Variants in PLCB4 observed in about 807,000 individuals in gnomAD.
PLCB4 encodes the protein 1-phosphatidylinositol 4,5-bisphosphate phosphodiesterase beta-4.
Under a neutral mutation model 178.8 loss-of-function variants are expected in PLCB4, and 77 were observed. That is an observed-to-expected ratio of 0.43 (90% CI 0.36 to 0.52). The LOEUF is 0.52. Ranked by LOEUF, PLCB4 falls within the 20% of genes least tolerant of loss-of-function variation. The probability of loss-of-function intolerance (pLI) is 0.00; values close to 1 mark genes in which losing one functional copy is unlikely to be tolerated. For synonymous variants in PLCB4, 496 were observed against 490.8 expected (o/e 1.01, Z -0.14); for missense variants, 1,024 against 1,453.4 (o/e 0.70, Z 4.80).
chr20:9,251,991 A>C (rs554535370), intron 3 of PLCB4, among the ~76,000 whole-genome samples: 1 of 152,278 alleles, frequency 6.6e-6, no homozygotes, highest in Admixed American at 6.5e-5. Flanking sequence ...TTAAGTCTGT[A>C]TTTTATGCCT....
chr20:9,144,728 GA>G (rs2092563827), intron 2 of PLCB4, among the ~76,000 whole-genome samples: 1 of 8,354 alleles, frequency 1.2e-4, no homozygotes, highest in Non-Finnish European at 2.1e-4. Context: ...GAAGGGGAAG[GA>G]GGGGAAGGAG....
intron 7 of PLCB4, among the ~76,000 whole-genome samples, chr20:9,358,452 T>G (rs933362935): frequency 6.6e-6 from 1 of 152,190 alleles, no homozygotes; most frequent in African/African-American, 2.4e-5. Flanking sequence ...ACAATATGCT[T>G]CTTTGACTAA....
chr20:9,372,443 C>T (rs2036330815), intron 11 of PLCB4, 40 bp downstream of exon 11: 3 of 1,002,136 alleles, frequency 3.0e-6, no homozygotes, highest in South Asian at 1.4e-5. Flanking sequence ...TAAATATTAT[C>T]ACTGTCCTTT....
At chr20:9,382,541 C>T (rs148349165) in intron 13 of PLCB4, among the ~76,000 whole-genome samples, 4 of 152,324 alleles carry the variant, frequency 2.6e-5, no homozygotes, top group African/African-American at 9.6e-5. Context: ...CTCTGTCTTG[C>T]TGTCATTGAA....
chr20:9,115,884 C>T (rs1263466240), intron 2 of PLCB4, among the ~76,000 whole-genome samples: 1 of 151,528 alleles, frequency 6.6e-6, no homozygotes, highest in East Asian at 1.9e-4. Flanking sequence ...TAGATTTGGC[C>T]TTTTTCAAAT....
chr20:9,439,486 A>G (rs769418750), intron 30 of PLCB4, among the ~76,000 whole-genome samples: 2 of 152,234 alleles, frequency 1.3e-5, no homozygotes, highest in Non-Finnish European at 2.9e-5. Flanking sequence ...TCATTTTTGT[A>G]GTATAACACA....
At chr20:9,266,335 T>A (rs749446686) in intron 3 of PLCB4, among the ~76,000 whole-genome samples, 20 of 152,342 alleles carry the variant, frequency 1.3e-4, no homozygotes, top group African/African-American at 2.4e-4. Context: ...TCATTTGCAG[T>A]TAAAGTCTGA....
intron 36 of PLCB4, among the ~76,000 whole-genome samples, chr20:9,469,315 G>A (rs1007016345): frequency 1.3e-5 from 2 of 152,092 alleles, no homozygotes; most frequent in Non-Finnish European, 2.9e-5. Flanking sequence ...TCCTTCCCAG[G>A]TTCCACTGGG....
intron 2 of PLCB4, among the ~76,000 whole-genome samples, chr20:9,119,782 T>C (rs139293052): frequency 3.9e-5 from 6 of 152,356 alleles, no homozygotes; most frequent in Middle Eastern, 3.4e-3. Flanking sequence ...CGGTAAGTTT[T>C]ATAACTCATC....
intron 1 of PLCB4, among the ~76,000 whole-genome samples, chr20:9,076,011 G>A (rs893821698): frequency 2.0e-5 from 3 of 151,994 alleles, no homozygotes; most frequent in Admixed American, 6.6e-5. Context: ...TCTTATAAAG[G>A]TTGTTATGGT....
chr20:9,407,232 C>T (rs2039509708), intron 21 of PLCB4, among the ~76,000 whole-genome samples: 1 of 152,086 alleles, frequency 6.6e-6, no homozygotes, highest in Non-Finnish European at 1.5e-5. Flanking sequence ...GGAATCTGTT[C>T]TAGTTTAAAA....
intron 4 of PLCB4, among the ~76,000 whole-genome samples, chr20:9,316,916 A>G (rs2094906113): frequency 6.6e-6 from 1 of 152,186 alleles, no homozygotes; most frequent in Non-Finnish European, 1.5e-5. Context: ...GCTCATTGTC[A>G]TCCAAGCATG....
At chr20:9,472,579 A>T (rs926388371) in intron 36 of PLCB4, among the ~76,000 whole-genome samples, 2 of 152,240 alleles carry the variant, frequency 1.3e-5, no homozygotes, top group Non-Finnish European at 2.9e-5. Flanking sequence ...GCAAAACATT[A>T]AAAATATCAG....
intron 21 of PLCB4, 101 bp from the exon 22 acceptor site, chr20:9,407,816 T>G: frequency 1.0e-6 from 1 of 976,718 alleles, no homozygotes; most frequent in Non-Finnish European, 1.5e-6. Flanking sequence ...TACCTTTCAA[T>G]TTGTGTGTGT....
At chr20:9,171,124 G>GTTT (rs112982243) in intron 2 of PLCB4, among the ~76,000 whole-genome samples, 98 of 152,220 alleles carry the variant, frequency 6.4e-4, no homozygotes, top group Middle Eastern at 6.8e-3. Flanking sequence ...CCTTGACATA[G>GTTT]TTTTTTTGTG....
chr20:9,193,392 C>T (rs927212702), intron 2 of PLCB4, among the ~76,000 whole-genome samples: 29 of 152,190 alleles, frequency 1.9e-4, no homozygotes, highest in African/African-American at 6.3e-4. Context: ...CAGGTTGGTT[C>T]CTTTCCCACT....
intron 3 of PLCB4, among the ~76,000 whole-genome samples, chr20:9,285,166 A>G (rs1215051842): frequency 6.6e-6 from 1 of 151,836 alleles, no homozygotes; most frequent in Non-Finnish European, 1.5e-5. Flanking sequence ...AACATATTAT[A>G]ATAAATGTAA....
chr20:9,272,038 G>C (rs370565924), intron 3 of PLCB4, among the ~76,000 whole-genome samples: 1 of 151,588 alleles, frequency 6.6e-6, no homozygotes, highest in African/African-American at 2.4e-5. Flanking sequence ...TTGGCTGGGC[G>C]TGGTGGCATG....
chr20:9,209,118 A>T (rs1376708968), intron 2 of PLCB4, among the ~76,000 whole-genome samples: 1 of 152,192 alleles, frequency 6.6e-6, no homozygotes, highest in Non-Finnish European at 1.5e-5. Context: ...ATCTAGTTTC[A>T]TAAGATTTAG....
Sources: gnomAD v4.1 joint callset for allele counts (sites outside exome capture counted in the v4.1 genomes callset) on GRCh38, gnomAD v4.1.1 for gene constraint, MANE v1.5 for transcripts, NCBI Gene and HGNC (gene_info 2026-07-23, HGNC 2026-07-21) for gene names.